KHSRP: variants seen among roughly 807,000 people sequenced by gnomAD.
The protein encoded by KHSRP is KH-type splicing regulatory protein, also known as far upstream element-binding protein 2.
In KHSRP, 13 loss-of-function variants were observed where a neutral mutation model predicts 94.9. The observed-to-expected ratio is 0.14, with a 90% CI of 0.09 to 0.22. KHSRP has a LOEUF of 0.22. Among genes scored for constraint, KHSRP ranks in the 10% least tolerant of loss-of-function variants. The pLI, the probability that KHSRP is intolerant of heterozygous loss-of-function variation, is 1.00. For synonymous variants in KHSRP, 495 were observed against 401.4 expected (o/e 1.23, Z -2.79); for missense variants, 710 against 1,010.0 (o/e 0.70, Z 4.03).
At chr19:6,422,223 G>A (rs1271788240) in intron 2 of KHSRP, 117 bp downstream of exon 2, 3 of 664,388 alleles carry the variant, frequency 4.5e-6, no homozygotes, top group South Asian at 1.8e-5. Context: ...GGATTGCTGA[G>A]GTTTTAAAAG....
Position 6,424,771 on chromosome 19 carries a change from G to A in KHSRP, c.-70C>T, listed in dbSNP as rs2092223094. On this transcript the variant is annotated 5_prime_UTR_variant, in exon 1 of 19. Transcript: ENST00000600480. Reference sequence around the variant, plus strand: ...GCGGCGGCGGCGGCGGCGGCTCAACGCGGGAACAAGGCCTCGCTCCACACG... The same window carrying A: ...GCGGCGGCGGCGGCGGCGGCTCAACACGGGAACAAGGCCTCGCTCCACACG... The A allele has an allele frequency of 1.6e-6, 1 of 610,972 alleles. No homozygotes were observed. The highest frequency in any genetic ancestry group is 2.1e-6 in the Non-Finnish European group (1 of 479,668). The allele number at this position is 610,972 out of a possible 1,614,324, so 37.8% of individuals were successfully genotyped here.
Position 6,414,035 on chromosome 19 carries a change from A to C in KHSRP, c.*989T>G. 1.9e-6 allele frequency: 3 copies of C among 1,543,302 alleles called. No individual in the cohort carries two copies. The highest frequency in any genetic ancestry group is 2.6e-6 in the Non-Finnish European group (3 of 1,145,194). On this transcript the variant is annotated 3_prime_UTR_variant, in exon 19 of 19. Transcript: ENST00000600480. ...GCAGCCATCGCTCTCTCGCCAAACA[A>C]AACAGAAGCCCCCAAACAGAACAAA...
Position 6,414,310 on chromosome 19 carries a change from G to GTCACGCTGC in KHSRP, c.*705_*713dup, listed in dbSNP as rs572869516. ...CCAGGTGCTCGCGGGACTCGCTGAAGTCACGCTGCTCCCTGATGGAGAAGG... is the reference window on the plus strand; with the variant it reads ...CCAGGTGCTCGCGGGACTCGCTGAAGTCACGCTGCTCACGCTGCTCCCTGATGGAGAAGG... On this transcript the variant is annotated 3_prime_UTR_variant, in exon 19 of 19. Coordinates refer to ENST00000600480, the MANE Select transcript of KHSRP (RefSeq NM_001366299.1). The GTCACGCTGC allele has an allele frequency of 1.9e-5, 26 of 1,392,330 alleles. No homozygotes were observed. In the African/African-American group the frequency reaches 2.8e-4, roughly 15 times the overall value. The allele number at this position is 1,392,330 out of a possible 1,614,324, so 86.2% of individuals were successfully genotyped here. A position where few individuals can be genotyped will look rare whatever the true frequency, so the allele number is the denominator to read the frequency against.
At chr19:6,423,133 G>C (rs2092205237) in intron 1 of KHSRP, among the ~76,000 whole-genome samples, 1 of 152,136 alleles carries the variant, frequency 6.6e-6, no homozygotes, top group African/African-American at 2.4e-5. Flanking sequence ...ACAAAAATTA[G>C]CTGGGTGTGG....
At chr19:6,417,157 C>A in intron 11 of KHSRP, 70 bp from the exon 12 acceptor site, 1 of 1,212,302 alleles carries the variant, frequency 8.2e-7, no homozygotes, top group South Asian at 1.4e-5. Flanking sequence ...CCTGCAACGC[C>A]GCCTCCAGCG....
chr19:6,420,025 G>A lies in KHSRP; in HGVS notation c.547+48C>T, dbSNP rs201806604. 1.1e-5 allele frequency: 15 copies of A among 1,422,208 alleles called. No homozygotes were observed. In the East Asian group the frequency reaches 2.1e-4, roughly 19 times the overall value. 88.1% of individuals were successfully genotyped at this position (1,422,208 alleles called of 1,614,324 possible). ...TTAAGTAATTAAAGGAAAGTGCAAA[G>A]GGCCCAACCCTGGCCCCCACTCTGG... On this transcript the variant is annotated intron_variant, in intron 6 of 18. Coordinates refer to ENST00000600480, the MANE Select transcript of KHSRP (RefSeq NM_001366299.1).
At chr19:6,422,787 G>A (rs2092202820) in intron 1 of KHSRP, among the ~76,000 whole-genome samples, 1 of 152,126 alleles carries the variant, frequency 6.6e-6, no homozygotes, top group Admixed American at 6.6e-5. Flanking sequence ...AGAGCTTTCA[G>A]ACACTTCCTC....
intron 1 of KHSRP, among the ~76,000 whole-genome samples, chr19:6,422,950 C>CAGA (rs1333946119): frequency 2.0e-5 from 3 of 152,188 alleles, no homozygotes; most frequent in African/African-American, 7.2e-5. Flanking sequence ...GCGATCACTT[C>CAGA]AAGGGATATG....
At chr19:6,420,260 C>A in intron 5 of KHSRP, 116 bp from the exon 6 acceptor site, 1 of 1,146,292 alleles carries the variant, frequency 8.7e-7, no homozygotes, top group Non-Finnish European at 1.3e-6. Flanking sequence ...CAGCAGTCCT[C>A]TAGAGAGCTC....
intron 7 of KHSRP, among the ~76,000 whole-genome samples, 152 bp from the exon 8 acceptor site, chr19:6,419,028 G>T (rs1054242652): frequency 3.3e-5 from 5 of 152,242 alleles, no homozygotes; most frequent in Non-Finnish European, 7.3e-5. Flanking sequence ...CAGGCTCCAG[G>T]TTCCCCAGGT....
chr19:6,419,760 C>T (rs951165635), intron 6 of KHSRP, among the ~76,000 whole-genome samples: 17 of 152,194 alleles, frequency 1.1e-4, no homozygotes, highest in African/African-American at 2.9e-4. Context: ...GCAGTCTTGC[C>T]GGGGTGCTTT....
Position 6,415,804 on chromosome 19 carries a change from T to C in KHSRP, c.1687+4A>G. The C allele has an allele frequency of 6.4e-7, 1 of 1,566,798 alleles. No homozygotes were observed. The highest frequency in any genetic ancestry group is 1.2e-5 in the South Asian group (1 of 85,130). On this transcript the variant is annotated splice_donor_region_variant and intron_variant, in intron 16 of 18. Transcript: ENST00000600480. Reference sequence around the variant, plus strand: ...TGCCCTCCGCCAGGTGGCCCATCACTTACTTGGGTCATGAGGAGCAGGCGG... The same window carrying C: ...TGCCCTCCGCCAGGTGGCCCATCACCTACTTGGGTCATGAGGAGCAGGCGG...
chr19:6,413,984 G>C lies in KHSRP; in HGVS notation c.*1040C>G. ...CCAAGTCCCCCCCACCCTGCTTGCC[G>C]CGAGGGCTCCCCAGTACTCCCCACG... On this transcript the variant is annotated 3_prime_UTR_variant, in exon 19 of 19. Transcript: ENST00000600480. 6.2e-5 allele frequency: 55 copies of C among 886,328 alleles called. No individual in the cohort carries two copies. The highest frequency in any genetic ancestry group is 4.1e-4 in the Middle Eastern group (1 of 2,462). The allele number at this position is 886,328 out of a possible 1,614,324, so 54.9% of individuals were successfully genotyped here. A position where few individuals can be genotyped will look rare whatever the true frequency, so the allele number is the denominator to read the frequency against.
rs1262995460 is a variant in KHSRP at position 6,413,267 on chromosome 19, C to T, written c.*1757G>A. 5.8e-6 allele frequency: 1 copy of T among 173,516 alleles called. No homozygotes were observed. The highest frequency in any genetic ancestry group is 1.2e-5 in the Non-Finnish European group (1 of 80,816). The allele number at this position is 173,516 out of a possible 1,614,324, so 10.7% of individuals were successfully genotyped here. A position where few individuals can be genotyped will look rare whatever the true frequency, so the allele number is the denominator to read the frequency against. ...CACCATTATCAGGCTTTTTAAACAA[C>T]ATCTATAAAGAACAAACATCCGCTT... On this transcript the variant is annotated 3_prime_UTR_variant, in exon 19 of 19. Transcript: ENST00000600480.
At chr19:6,419,335 C>T in intron 6 of KHSRP, 75 bp from the exon 7 acceptor site, 1 of 1,382,392 alleles carries the variant, frequency 7.2e-7, no homozygotes, top group Non-Finnish European at 9.8e-7. Context: ...CACGAGGAAA[C>T]TTTCAGAACA....
At chr19:6,423,537 T>A (rs375757420) in intron 1 of KHSRP, among the ~76,000 whole-genome samples, 16 of 152,166 alleles carry the variant, frequency 1.1e-4, no homozygotes, top group African/African-American at 3.9e-4. Context: ...CTTCAAGCTG[T>A]CCCAGAATCA....
chr19:6,418,074 G>A lies in KHSRP; in HGVS notation c.885C>T (p.Ala295=). The A allele has an allele frequency of 6.2e-7, 1 of 1,613,828 alleles. No individual in the cohort carries two copies. The highest frequency in any genetic ancestry group is 1.1e-5 in the South Asian group (1 of 91,062). Residue 295 remains alanine, a synonymous_variant, in exon 10 of 19, where the codon GCC becomes GCT. Transcript: ENST00000600480. This position sits in a 1 kb window ranked among gnomAD's most constrained non-coding sequence, Gnocchi z 4.3. ...IIGDPYKVQQ[A]CEMVMDILRE... Reference sequence around the variant, plus strand: ...GGAGGATGTCCATCACCATCTCACAGGCTTGCTGCAAACACACAGGAAGCA... The same window carrying A: ...GGAGGATGTCCATCACCATCTCACAAGCTTGCTGCAAACACACAGGAAGCA...
rs1284756483 is a variant in KHSRP at position 6,421,092 on chromosome 19, C to T, written c.425+186G>A. On this transcript the variant is annotated intron_variant, in intron 4 of 18. Transcript: ENST00000600480. ...ACGACGCTCCCCTCCCACAGCCCTTCAGACAAGGGGTACGAGGAACGGACA... is the reference window on the plus strand; with the variant it reads ...ACGACGCTCCCCTCCCACAGCCCTTTAGACAAGGGGTACGAGGAACGGACA... 3 of 620,776 alleles carry T rather than the reference C, an allele frequency of 4.8e-6. No individual in the cohort carries two copies. The Admixed American group carries it at 9.0e-5, about 19-fold the overall frequency. The allele number at this position is 620,776 out of a possible 1,614,324, so 38.5% of individuals were successfully genotyped here.
Position 6,415,068 on chromosome 19 carries a change from C to T in KHSRP, c.2200G>A (p.Val734Met). The T allele has an allele frequency of 6.3e-7, 1 of 1,582,180 alleles. No homozygotes were observed. The highest frequency in any genetic ancestry group is 8.5e-7 in the Non-Finnish European group (1 of 1,172,398). Residue 734 changes from valine to methionine, a missense_variant, in exon 19 of 19, where the codon GTG becomes ATG. By Grantham distance (21) the Val-to-Met change is conservative (BLOSUM62 1). This residue lies in a region of KHSRP where 292 missense variants were observed against 340.5 expected (regional missense o/e 0.86). Transcript: ENST00000600480. The stretch of plus-strand genomic sequence containing the variant: ...GGGAAGGGGTTTCCGGCGCTACCCA[C>T]TAAGGCAGGATGGACGGTGGCCGGG... The part of the protein sequence containing the change: ...QPPATVHPAL[V>M]GSAGNPFPCG...
Sources: allele counts gnomAD v4.1 joint callset (sites outside exome capture counted in the v4.1 genomes callset), GRCh38; gene constraint gnomAD v4.1.1; regional missense constraint gnomAD v4.1.1; non-coding constraint Gnocchi (gnomAD v3.1); transcripts MANE v1.5; gene names NCBI Gene and HGNC (gene_info 2026-07-23, HGNC 2026-07-21).